COG4: variants seen among roughly 807,000 people sequenced by gnomAD.
COG4 encodes the protein component of oligomeric golgi complex 4.
Under a neutral mutation model 95.1 loss-of-function variants are expected in COG4, and 65 were observed. That is an observed-to-expected ratio of 0.68 (90% confidence interval 0.56 to 0.84). The LOEUF (loss-of-function observed/expected upper bound fraction) is 0.84, where lower values mean the gene tolerates loss of function less well. Among genes scored for constraint, COG4 ranks in the 40% least tolerant of loss-of-function variants. The pLI is 0.00. For missense variants in COG4, 1,045 were observed against 989.1 expected, an observed-to-expected ratio of 1.06 and a Z score of -0.76; for synonymous variants, 421 against 374.8, an observed-to-expected ratio of 1.12 and a Z score of -1.42.
At chr16:70,482,694 A>G in intron 15 of COG4, 35 bp downstream of exon 15, 1 of 1,566,202 alleles carries the variant, frequency 6.4e-7, no homozygotes, top group Non-Finnish European at 8.8e-7. Context: ...ATGAGGGGTC[A>G]TCGGGGCTTG....
intron 13 of COG4, among the ~76,000 whole-genome samples, chr16:70,487,368 G>A (rs2049160024): frequency 1.3e-5 from 2 of 151,900 alleles, no homozygotes; most frequent in Non-Finnish European, 2.9e-5. Flanking sequence ...ATGCCAAGGC[G>A]GGTGGATCAC....
chr16:70,497,380 G>C lies in COG4; in HGVS notation c.1322C>G (p.Ala441Gly). The C allele has an allele frequency of 6.2e-7, 1 of 1,613,190 alleles. No individual in the cohort carries two copies. The highest frequency in any genetic ancestry group is 1.7e-4 in the Middle Eastern group (1 of 5,998). ...FMRETVNKAV[A>G]LDTYEKGQLT... ...CTGGCCCTTCTCATAGGTGTCCAGA[G>C]CCACAGCCTACCCAAAAGGCAAAGC... The change falls in exon 11 of 19, where the codon GCT (alanine) becomes GGT (glycine). Residue 441 changes from alanine (A) to glycine (G), a missense_variant. By Grantham distance (60) the Ala-to-Gly change is moderately conservative. Transcript: ENST00000323786.
At chr16:70,484,291 T>A (rs2049082829) in intron 13 of COG4, among the ~76,000 whole-genome samples, 1 of 152,180 alleles carries the variant, frequency 6.6e-6, no homozygotes, top group African/African-American at 2.4e-5. Flanking sequence ...TGATTTAAAG[T>A]TTCTGAGCTT....
chr16:70,518,992 A>AT (rs1472697144), intron 2 of COG4, among the ~76,000 whole-genome samples: 2 of 149,644 alleles, frequency 1.3e-5, no homozygotes, highest in Non-Finnish European at 2.9e-5. Context: ...AAAAAAAAAA[A>AT]GGTGGTTCTC....
At position 70,482,203 on chromosome 16, in the gene COG4, C is replaced by T. The variant is rs2049013165; in HGVS notation, c.1921-28G>A. On this transcript the variant is annotated intron_variant, in intron 15 of 18. Transcript: ENST00000323786. The stretch of plus-strand genomic sequence containing the variant: ...GTTGTCAGGAAGCAGGGCTGGTCAC[C>T]ATGGGCCTCATAAGAAGTACCATTC... 6 of 1,435,942 alleles carry T rather than the reference C, an allele frequency of 4.2e-6. No homozygotes were observed. In the East Asian group the frequency reaches 1.1e-4, roughly 27 times the overall value. 89.0% of individuals were successfully genotyped at this position (1,435,942 alleles called of 1,614,324 possible).
chr16:70,494,723 A>G lies in COG4; in HGVS notation c.1647+1543T>C, dbSNP rs994096183. 5.3e-5 allele frequency among the ~76,000 whole-genome samples: 8 copies of G among 152,226 alleles called. No homozygotes were observed. The East Asian group carries it at 1.5e-3, about 29-fold the overall frequency. On this transcript the variant is annotated intron_variant, in intron 12 of 18. Transcript: ENST00000323786. ...GCAGCCAATGATTATTTCTGAGCAC[A>G]GAAATGAAAGTAAGTTCTGTAAAAA...
rs1014442398 is a variant in COG4, at chr16:70,521,833, C to T, written c.171+1540G>A. On this transcript the variant is annotated intron_variant, in intron 1 of 18. Coordinates refer to ENST00000323786, the MANE Select transcript of COG4 (RefSeq NM_015386.3). ...TCTCCTGCCTCAGCCTCCCGAGTAGCTGGGACTACAGGCGCCCGCCACCAC... is the reference window on the plus strand; with the variant it reads ...TCTCCTGCCTCAGCCTCCCGAGTAGTTGGGACTACAGGCGCCCGCCACCAC... Among the ~76,000 whole-genome samples, 3 of 151,238 alleles carry T rather than the reference C, an allele frequency of 2.0e-5. No individual in the cohort carries two copies. In the South Asian group the frequency reaches 6.3e-4, roughly 32 times the overall value.
At position 70,509,369 on chromosome 16, in the gene COG4, C is replaced by G; in HGVS notation, c.864G>C (p.Glu288Asp). ...AGGTCTCCACTATTGGCTGGTGGGT[C>G]TCCACAATGCGGGCAATCCCTAGAA... ...LLFEGIARIV[E>D]THQPIVETYY... The change falls in exon 7 of 19, where the codon GAG (glutamate) becomes GAC (aspartate). Residue 288 changes from glutamate (E) to aspartate (D), a missense_variant. Coordinates refer to ENST00000323786, the MANE Select transcript of COG4 (RefSeq NM_015386.3). The G allele has an allele frequency of 6.2e-7, 1 of 1,614,174 alleles. No homozygotes were observed. Among genetic ancestry groups the G allele is most frequent in the Non-Finnish European group, 8.5e-7 (1 of 1,180,024 alleles).
intron 7 of COG4, 190 bp downstream of exon 7, chr16:70,509,041 C>A (rs1157184669): frequency 1.4e-6 from 1 of 701,448 alleles, no homozygotes; most frequent in East Asian, 2.7e-5. Flanking sequence ...CTGAGGCCAT[C>A]ATCATCTCGA....
intron 2 of COG4, among the ~76,000 whole-genome samples, chr16:70,518,784 C>T (rs547577600): frequency 6.6e-6 from 1 of 152,124 alleles, no homozygotes; most frequent in African/African-American, 2.4e-5. Flanking sequence ...TGAGACCAGC[C>T]TGGCCAACAT....
At chr16:70,514,232 G>T in intron 4 of COG4, 103 bp downstream of exon 4, 2 of 1,140,818 alleles carry the variant, frequency 1.8e-6, no homozygotes, top group South Asian at 2.7e-5. Context: ...AAAGAAAAAA[G>T]AAAACTTCCT....
intron 12 of COG4, 70 bp from the exon 13 acceptor site, chr16:70,490,462 G>A: frequency 7.9e-7 from 1 of 1,271,694 alleles, no homozygotes; most frequent in South Asian, 1.2e-5. Flanking sequence ...ATGCCAGACT[G>A]GCTGACAGCT....
At chr16:70,500,744 C>T (rs749556989) in intron 9 of COG4, among the ~76,000 whole-genome samples, 1 of 152,120 alleles carries the variant, frequency 6.6e-6, no homozygotes, top group Non-Finnish European at 1.5e-5. Context: ...GCACCAGTGT[C>T]CTCATCTGTA....
chr16:70,501,104 G>T lies in COG4; in HGVS notation c.1062-13C>A. ...GGGGTCCAGTTCTCTGAGACACATG[G>T]AGCAGAAGGAATAGGACGACAATGG... is the stretch of plus-strand genomic sequence containing the variant. On this transcript the variant is annotated splice_polypyrimidine_tract_variant and intron_variant, in intron 8 of 18. Transcript: ENST00000323786. The T allele has an allele frequency of 6.2e-7, 1 of 1,612,292 alleles. No homozygotes were observed. Among genetic ancestry groups the T allele is most frequent in the Non-Finnish European group, 8.5e-7 (1 of 1,179,946 alleles).
At chr16:70,506,787 T>C (rs1159792205) in intron 8 of COG4, among the ~76,000 whole-genome samples, 1 of 143,982 alleles carries the variant, frequency 6.9e-6, no homozygotes, top group Admixed American at 6.6e-5. Context: ...GAGACCCTGT[T>C]TCTAATTTAA....
chr16:70,495,903 T>G (rs2049330744), intron 12 of COG4, among the ~76,000 whole-genome samples: 1 of 152,192 alleles, frequency 6.6e-6, no homozygotes, highest in African/African-American at 2.4e-5. Flanking sequence ...GCTGCGGGCC[T>G]CTCCTCAGAG....
chr16:70,498,189 A>T (rs564724310), intron 9 of COG4, 134 bp from the exon 10 acceptor site: 2 of 665,726 alleles, frequency 3.0e-6, no homozygotes, highest in East Asian at 5.5e-5. Flanking sequence ...CAATCATGAT[A>T]CAGATAGCAA....
intron 13 of COG4, among the ~76,000 whole-genome samples, chr16:70,487,098 C>T (rs1269062345): frequency 6.6e-6 from 1 of 151,716 alleles, no homozygotes; most frequent in Non-Finnish European, 1.5e-5. Flanking sequence ...TGAGACCAGC[C>T]TAGACAGCAT....
intron 5 of COG4, 109 bp from the exon 6 acceptor site, chr16:70,510,130 C>T: frequency 1.2e-6 from 1 of 868,188 alleles, no homozygotes; most frequent in Non-Finnish European, 1.9e-6. Flanking sequence ...TTTCACATTT[C>T]CCTTGATGTC....
Sources: gnomAD v4.1 joint callset for allele counts (sites outside exome capture counted in the v4.1 genomes callset) on GRCh38, gnomAD v4.1.1 for gene constraint, MANE v1.5 for transcripts, NCBI Gene and HGNC (gene_info 2026-07-23, HGNC 2026-07-21) for gene names.